The following LRRC4C variants were observed in gnomAD, a reference collection of about 807,000 sequenced individuals.
LRRC4C encodes the protein leucine rich repeat containing 4C.
In LRRC4C, 5 loss-of-function variants were observed where a neutral mutation model predicts 33.6. The observed-to-expected ratio is 0.15, with a 90% confidence interval of 0.08 to 0.31. The LOEUF (loss-of-function observed/expected upper bound fraction) is 0.31, where lower values mean the gene tolerates loss of function less well. Among genes scored for constraint, LRRC4C ranks in the 10% least tolerant of loss-of-function variants. The pLI, the probability that LRRC4C is intolerant of heterozygous loss-of-function variation, is 1.00. For synonymous variants in LRRC4C, 329 were observed against 302.0 expected (o/e 1.09, Z -0.93); for missense variants, 560 against 796.7 (o/e 0.70, Z 3.58).
At chr11:41,073,380 C>A (rs1308666698) in intron 1 of LRRC4C, among the ~76,000 whole-genome samples, 2 of 152,080 alleles carry the variant, frequency 1.3e-5, no homozygotes, top group Admixed American at 6.6e-5. Context: ...GCAAGAGCTC[C>A]TTTCCTCCCA....
At chr11:41,291,090 T>A (rs192436852) in intron 1 of LRRC4C, among the ~76,000 whole-genome samples, 1 of 152,314 alleles carries the variant, frequency 6.6e-6, no homozygotes, top group East Asian at 1.9e-4. Flanking sequence ...CATGTGCATG[T>A]GCAAGAGAAA....
chr11:41,136,826 A>G (rs1943283838), intron 1 of LRRC4C, among the ~76,000 whole-genome samples: 1 of 152,166 alleles, frequency 6.6e-6, no homozygotes, highest in Non-Finnish European at 1.5e-5. Context: ...ACTGCCTATA[A>G]GGAATTGTTG....
At chr11:40,906,616 A>G (rs952419095) in intron 2 of LRRC4C, among the ~76,000 whole-genome samples, 2 of 151,898 alleles carry the variant, frequency 1.3e-5, no homozygotes, top group Non-Finnish European at 2.9e-5. Context: ...AAATTCTATG[A>G]CTTGCTTTAT....
intron 1 of LRRC4C, among the ~76,000 whole-genome samples, chr11:41,249,845 T>A (rs1252326697): frequency 6.6e-6 from 1 of 152,218 alleles, no homozygotes; most frequent in African/African-American, 2.4e-5. Context: ...ATTTTGCATT[T>A]GTCACTGGCT....
At chr11:41,062,502 A>T (rs1279388993) in intron 1 of LRRC4C, among the ~76,000 whole-genome samples, 2 of 151,764 alleles carry the variant, frequency 1.3e-5, no homozygotes, top group African/African-American at 2.4e-5. Flanking sequence ...TGACCAACAA[A>T]TTTTTTTTTC....
intron 2 of LRRC4C, among the ~76,000 whole-genome samples, chr11:40,912,611 A>G (rs1347193157): frequency 6.6e-6 from 1 of 152,218 alleles, no homozygotes; most frequent in East Asian, 1.9e-4. Context: ...TGTAAAGACC[A>G]TCAAGGCTAG....
chr11:40,659,907 A>C lies in LRRC4C; in HGVS notation c.-406-11629T>G, dbSNP rs1043043550. On this transcript the variant is annotated intron_variant, in intron 2 of 6. Coordinates refer to ENST00000528697, the MANE Select transcript of LRRC4C (RefSeq NM_001258419.2). ...TGGGACAAGTACTCAGGATGTACCAAATGGTGGGACTGAAAGAGCTGTAAC... is the reference window on the plus strand; with the variant it reads ...TGGGACAAGTACTCAGGATGTACCACATGGTGGGACTGAAAGAGCTGTAAC... Among the ~76,000 whole-genome samples the C allele has an allele frequency of 2.6e-5, 4 of 152,162 alleles. No homozygotes were observed. The East Asian group carries it at 5.8e-4, about 22-fold the overall frequency.
rs11035994 is a variant in LRRC4C, at chr11:40,652,077, G to T, written c.-406-3799C>A. Among the ~76,000 whole-genome samples, 1,123 of 152,194 alleles carry T rather than the reference G, an allele frequency of 7.4e-3. 11 individuals carry two copies. Among genetic ancestry groups the T allele is most frequent in the Non-Finnish European group, 0.012 (790 of 68,008 alleles). On this transcript the variant is annotated intron_variant, in intron 2 of 6. Coordinates refer to ENST00000528697, the MANE Select transcript of LRRC4C (RefSeq NM_001258419.2). ...TATTTTACAGAAAAGGCTTAGCAGG[G>T]TCTCATTACTTTCCTGAAAGCCACA... is the stretch of plus-strand genomic sequence containing the variant.
chr11:40,424,248 G>A (rs566036451), intron 3 of LRRC4C, among the ~76,000 whole-genome samples: 6 of 152,254 alleles, frequency 3.9e-5, no homozygotes, highest in South Asian at 2.1e-4. Context: ...TTAGTGAAGC[G>A]TGAACTAACA....
chr11:40,795,852 GC>G (rs1251551747), intron 2 of LRRC4C, among the ~76,000 whole-genome samples: 3 of 152,132 alleles, frequency 2.0e-5, no homozygotes, highest in South Asian at 2.1e-4. Context: ...CTTTTAACTA[GC>G]CCTGTAACGC....
At chr11:41,390,328 C>G (rs541433626) in intron 1 of LRRC4C, among the ~76,000 whole-genome samples, 1 of 151,990 alleles carries the variant, frequency 6.6e-6, no homozygotes, top group Non-Finnish European at 1.5e-5. Context: ...ATGGCTGGCT[C>G]AGGGTTTTGG....
At chr11:41,437,423 G>GCACA (rs1173350573) in intron 1 of LRRC4C, among the ~76,000 whole-genome samples, 1,518 of 149,670 alleles carry the variant, frequency 0.01, 17 homozygotes, top group Middle Eastern at 0.024. Context: ...GCGCGCGCGC[G>GCACA]CGCACACACA....
At chr11:41,113,219 C>T (rs1941942698) in intron 1 of LRRC4C, among the ~76,000 whole-genome samples, 1 of 151,922 alleles carries the variant, frequency 6.6e-6, no homozygotes, top group East Asian at 1.9e-4. Context: ...AATTGATCCA[C>T]CGCTCATCAG....
chr11:40,515,105 C>A (rs749872189), intron 3 of LRRC4C, among the ~76,000 whole-genome samples: 1 of 152,062 alleles, frequency 6.6e-6, no homozygotes, highest in Non-Finnish European at 1.5e-5. Context: ...TCAAACAAAA[C>A]GACTTTCATC....
At chr11:40,172,913 C>A (rs1381154135) in intron 5 of LRRC4C, among the ~76,000 whole-genome samples, 1 of 152,024 alleles carries the variant, frequency 6.6e-6, no homozygotes, top group Non-Finnish European at 1.5e-5. Context: ...AGGCTGTAAT[C>A]AAAAATGACT....
intron 5 of LRRC4C, among the ~76,000 whole-genome samples, chr11:40,149,435 C>G (rs188512331): frequency 6.6e-6 from 1 of 151,952 alleles, no homozygotes; most frequent in Admixed American, 6.6e-5. Context: ...GTATTTTATT[C>G]TTTTTGTGGT....
chr11:40,197,602 T>C (rs1314326273), intron 5 of LRRC4C, among the ~76,000 whole-genome samples: 3 of 152,176 alleles, frequency 2.0e-5, no homozygotes, highest in East Asian at 1.9e-4. Flanking sequence ...TGTTCCACCA[T>C]ATTTTCCCTT....
chr11:40,182,011 TGC>T, intron 5 of LRRC4C, among the ~76,000 whole-genome samples: 1 of 152,222 alleles, frequency 6.6e-6, no homozygotes, highest in South Asian at 2.1e-4. Flanking sequence ...CATTCCTTGA[TGC>T]TCTCCCTCTC....
At chr11:40,843,638 A>G (rs1254333407) in intron 2 of LRRC4C, among the ~76,000 whole-genome samples, 1 of 152,178 alleles carries the variant, frequency 6.6e-6, no homozygotes. Context: ...AACATTGGTA[A>G]GGATACAAAG....
Sources: gnomAD v4.1 joint callset for allele counts (sites outside exome capture counted in the v4.1 genomes callset) on GRCh38, gnomAD v4.1.1 for gene constraint, MANE v1.5 for transcripts, NCBI Gene and HGNC (gene_info 2026-07-23, HGNC 2026-07-21) for gene names.